NTN4: variants seen among roughly 807,000 people sequenced by gnomAD.
NTN4 encodes the protein netrin-4.
Under a neutral mutation model 73.6 loss-of-function variants are expected in NTN4, and 32 were observed. That is an observed-to-expected ratio of 0.44 (90% CI 0.33 to 0.58). The LOEUF (loss-of-function observed/expected upper bound fraction) is 0.58, where lower values mean the gene tolerates loss of function less well. NTN4 is among the 20% of genes least tolerant of loss of function. NTN4 has a pLI of 0.04. For missense variants in NTN4, 654 were observed against 798.3 expected, an observed-to-expected ratio of 0.82 and a Z score of 2.18; for synonymous variants, 258 against 287.5, an observed-to-expected ratio of 0.90 and a Z score of 1.04.
At chr12:95,689,117 C>A (rs2078383914) in intron 5 of NTN4, among the ~76,000 whole-genome samples, 1 of 152,178 alleles carries the variant, frequency 6.6e-6, no homozygotes. Context: ...AGAACCACTA[C>A]AATAGAGCAT....
At chr12:95,699,309 G>A (rs925866312) in intron 5 of NTN4, among the ~76,000 whole-genome samples, 1 of 152,168 alleles carries the variant, frequency 6.6e-6, no homozygotes, top group African/African-American at 2.4e-5. Context: ...TCACAGGCAC[G>A]AGAATAAACA....
In NTN4 at chr12:95,659,590, G is replaced by A. The variant is rs191247024; in HGVS notation, c.1751-368C>T. On this transcript the variant is annotated intron_variant, in intron 9 of 9. Coordinates refer to ENST00000343702, the MANE Select transcript of NTN4 (RefSeq NM_021229.4). ...TGGGATTACAGGTGTGAGCCACCAC[G>A]CCTGCCTGACTCCAGCAGTTTTATA... Among the ~76,000 whole-genome samples the A allele has an allele frequency of 5.9e-5, 9 of 152,124 alleles. 1 individual carries two copies. The highest frequency in any genetic ancestry group is 2.0e-4 in the Admixed American group (3 of 15,268).
At chr12:95,699,819 A>G (rs2078469745) in intron 5 of NTN4, among the ~76,000 whole-genome samples, 1 of 152,162 alleles carries the variant, frequency 6.6e-6, no homozygotes, top group South Asian at 2.1e-4. Flanking sequence ...TTGGCCCATC[A>G]GGGAGGAAGG....
At chr12:95,687,312 T>C (rs1264561378) in intron 5 of NTN4, among the ~76,000 whole-genome samples, 2 of 152,230 alleles carry the variant, frequency 1.3e-5, no homozygotes, top group Non-Finnish European at 2.9e-5. Flanking sequence ...AGCAAATGAC[T>C]ATAAAATTAA....
chr12:95,698,821 C>T (rs984122366), intron 5 of NTN4, among the ~76,000 whole-genome samples: 13 of 151,816 alleles, frequency 8.6e-5, no homozygotes, highest in Non-Finnish European at 1.5e-4. Context: ...CATGACACTG[C>T]ACTCCAGCCT....
At chr12:95,732,539 G>A (rs1438815291) in intron 3 of NTN4, among the ~76,000 whole-genome samples, 4 of 151,854 alleles carry the variant, frequency 2.6e-5, no homozygotes, top group Non-Finnish European at 1.5e-5. Flanking sequence ...GAGTATCTGG[G>A]ACTATAGGCG....
intron 2 of NTN4, among the ~76,000 whole-genome samples, chr12:95,746,046 T>C: frequency 6.6e-6 from 1 of 152,170 alleles, no homozygotes; most frequent in East Asian, 1.9e-4. Context: ...CCCTTTCCTT[T>C]AATCACCTAG....
chr12:95,758,468 TA>T (rs1175880909), intron 2 of NTN4, among the ~76,000 whole-genome samples: 1 of 152,238 alleles, frequency 6.6e-6, no homozygotes, highest in African/African-American at 2.4e-5. Context: ...GATATGTAAA[TA>T]TATATTCAGT....
At chr12:95,684,475 A>AT (rs200316814) in intron 5 of NTN4, among the ~76,000 whole-genome samples, 16,825 of 148,366 alleles carry the variant, frequency 0.11, 1,048 homozygotes, top group Admixed American at 0.2. Flanking sequence ...CTTAAAAAAA[A>AT]TTTTTTTTTT....
chr12:95,713,803 T>C (rs1451577677), intron 3 of NTN4, among the ~76,000 whole-genome samples: 4 of 152,158 alleles, frequency 2.6e-5, no homozygotes, highest in African/African-American at 4.8e-5. Context: ...TAATATATTG[T>C]GAATATCTTT....
rs11366396 is a variant in NTN4, at chr12:95,681,188, C to CAAAA, written c.1510+1515_1510+1518dup. Among the ~76,000 whole-genome samples, 113 of 95,440 alleles carry CAAAA rather than the reference C, an allele frequency of 1.2e-3. 2 individuals are homozygous for CAAAA. The highest frequency in any genetic ancestry group is 4.5e-3 in the African/African-American group (110 of 24,688). The allele number at this position is 95,440 out of a possible 152,430, so 62.6% of individuals were successfully genotyped here. ...TGGGCAACAGAGTGAGACTTTGTCT[C>CAAAA]AAAAAAAAAAAAAAAAAAAAAGAGT... On this transcript the variant is annotated intron_variant, in intron 7 of 9. Coordinates refer to ENST00000343702, the MANE Select transcript of NTN4 (RefSeq NM_021229.4).
chr12:95,686,673 G>C (rs552827861), intron 5 of NTN4, among the ~76,000 whole-genome samples: 1 of 151,652 alleles, frequency 6.6e-6, no homozygotes, highest in Admixed American at 6.6e-5. Context: ...CAGGAGAATC[G>C]CTTGAACCTG....
chr12:95,735,339 T>A (rs1483312567), intron 3 of NTN4, among the ~76,000 whole-genome samples: 1 of 152,172 alleles, frequency 6.6e-6, no homozygotes, highest in East Asian at 1.9e-4. Flanking sequence ...GGCTGTTTTT[T>A]ACCCCCTACC....
intron 3 of NTN4, among the ~76,000 whole-genome samples, chr12:95,736,658 C>T (rs1025665538): frequency 6.6e-5 from 10 of 152,198 alleles, no homozygotes; most frequent in Admixed American, 6.5e-4. Flanking sequence ...TGTAGGATTT[C>T]AAAGATCCAT....
intron 5 of NTN4, among the ~76,000 whole-genome samples, chr12:95,700,814 CTTTT>C (rs71911993): frequency 1.0e-4 from 11 of 107,524 alleles, no homozygotes; most frequent in East Asian, 2.8e-4. Context: ...TTCTTTCTTT[CTTTT>C]TTTTTTTTTT....
chr12:95,667,183 A>T (rs552045307), intron 8 of NTN4, among the ~76,000 whole-genome samples: 1 of 150,304 alleles, frequency 6.7e-6, no homozygotes, highest in East Asian at 2.0e-4. Context: ...TAGGGAACGT[A>T]GGGAAGTTCT....
intron 2 of NTN4, among the ~76,000 whole-genome samples, 158 bp from the exon 3 acceptor site, chr12:95,738,302 G>A (rs893300653): frequency 2.6e-5 from 4 of 152,170 alleles, no homozygotes; most frequent in Non-Finnish European, 5.9e-5. Context: ...GGACAGAGCC[G>A]CCCTGTTATT....
chr12:95,673,145 C>T (rs751748688), intron 7 of NTN4: 24 of 732,494 alleles, frequency 3.3e-5, no homozygotes, highest in Admixed American at 8.8e-5. Context: ...CTCCTGCACA[C>T]GCCACACTGA....
chr12:95,680,082 T>C (rs146248568), intron 7 of NTN4, among the ~76,000 whole-genome samples: 2 of 152,356 alleles, frequency 1.3e-5, no homozygotes, highest in African/African-American at 4.8e-5. Context: ...AAACATATCT[T>C]ATTCCCTGTC....
Sources: allele counts gnomAD v4.1 joint callset (sites outside exome capture counted in the v4.1 genomes callset), GRCh38; gene constraint gnomAD v4.1.1; transcripts MANE v1.5; gene names NCBI Gene and HGNC (gene_info 2026-07-23, HGNC 2026-07-21).